Variants in AGBL4 observed in about 807,000 individuals in gnomAD.
AGBL4 encodes AGBL carboxypeptidase 4, also known as cytosolic carboxypeptidase 6.
In AGBL4, 58 loss-of-function variants were observed where a neutral mutation model predicts 66.4. The ratio of observed to expected loss-of-function variants is 0.87; its 90% CI spans 0.71 to 1.09. The LOEUF (loss-of-function observed/expected upper bound fraction) is 1.09. Ranked by LOEUF, AGBL4 falls within the 50% of genes least tolerant of loss-of-function variation. The pLI, the probability that AGBL4 is intolerant of heterozygous loss-of-function variation, is 0.00. For synonymous variants in AGBL4, 234 were observed against 222.9 expected, an observed-to-expected ratio of 1.05 and a Z score of -0.44; for missense variants, 579 against 631.0, an observed-to-expected ratio of 0.92 and a Z score of 0.88.
chr1:49,703,445 C>A (rs1472255628), intron 2 of AGBL4, among the ~76,000 whole-genome samples: 1 of 149,198 alleles, frequency 6.7e-6, no homozygotes, highest in East Asian at 2.0e-4. Flanking sequence ...ACCATATGGA[C>A]AAAATAAAGG....
intron 6 of AGBL4, among the ~76,000 whole-genome samples, chr1:48,863,038 G>T (rs1180951866): frequency 1.3e-5 from 2 of 152,136 alleles, no homozygotes; most frequent in Admixed American, 6.6e-5. Context: ...CATAAACTAT[G>T]TAGGAAAAGT....
intron 6 of AGBL4, chr1:48,727,386 C>T (rs1020104584): frequency 6.6e-6 from 1 of 152,172 alleles, no homozygotes; most frequent in African/African-American, 2.4e-5. Context: ...AAAGCAACCA[C>T]ATCTCTTAGG....
At chr1:49,643,729 A>G (rs894446297) in intron 3 of AGBL4, among the ~76,000 whole-genome samples, 1 of 151,716 alleles carries the variant, frequency 6.6e-6, no homozygotes, top group African/African-American at 2.4e-5. Flanking sequence ...TATATCCAGT[A>G]AAAATATGTT....
chr1:48,999,469 C>G (rs945454884), intron 5 of AGBL4, among the ~76,000 whole-genome samples: 3 of 152,150 alleles, frequency 2.0e-5, no homozygotes, highest in Non-Finnish European at 4.4e-5. Flanking sequence ...GTCAAGAGAA[C>G]AGGACATTCA....
At chr1:49,414,615 A>G (rs1570660128) in intron 3 of AGBL4, among the ~76,000 whole-genome samples, 1 of 152,340 alleles carries the variant, frequency 6.6e-6, no homozygotes, top group East Asian at 1.9e-4. Context: ...TCTAGTCTCC[A>G]TGGAGCTACA....
At chr1:49,022,821 T>A (rs1442391153) in intron 5 of AGBL4, among the ~76,000 whole-genome samples, 1 of 152,210 alleles carries the variant, frequency 6.6e-6, no homozygotes, top group Non-Finnish European at 1.5e-5. Context: ...GAATACCTAC[T>A]GTGTACCAGC....
intron 5 of AGBL4, among the ~76,000 whole-genome samples, chr1:48,907,538 C>T (rs1352213376): frequency 6.6e-6 from 1 of 151,908 alleles, no homozygotes; most frequent in East Asian, 1.9e-4. Flanking sequence ...GGTAAGACAC[C>T]CTGAAGCCTT....
At chr1:49,718,545 GA>G (rs1337714585) in intron 2 of AGBL4, among the ~76,000 whole-genome samples, 1 of 152,002 alleles carries the variant, frequency 6.6e-6, no homozygotes, top group African/African-American at 2.4e-5. Flanking sequence ...GGGTCAAAAT[GA>G]AAAGCCATAA....
At chr1:48,621,271 A>G (rs1426048256) in intron 9 of AGBL4, among the ~76,000 whole-genome samples, 1 of 152,230 alleles carries the variant, frequency 6.6e-6, no homozygotes, top group East Asian at 1.9e-4. Context: ...ATGGCTGGTT[A>G]GACAGACGAG....
chr1:49,983,215 G>A (rs921118270), intron 1 of AGBL4, among the ~76,000 whole-genome samples: 7 of 152,194 alleles, frequency 4.6e-5, no homozygotes, highest in African/African-American at 7.2e-5. Flanking sequence ...GCACTTTGAG[G>A]AGCCCAGACT....
intron 1 of AGBL4, among the ~76,000 whole-genome samples, chr1:49,914,529 T>G (rs987773819): frequency 6.6e-6 from 1 of 152,232 alleles, no homozygotes; most frequent in Non-Finnish European, 1.5e-5. Flanking sequence ...AGAATTTCCA[T>G]ATAGATCTCT....
chr1:48,776,725 T>A, intron 6 of AGBL4: 3 of 1,528,942 alleles, frequency 2.0e-6, no homozygotes, highest in East Asian at 2.6e-5. Context: ...GGCGTACACC[T>A]TCTGGTTGTC....
intron 2 of AGBL4, among the ~76,000 whole-genome samples, chr1:49,745,788 T>C (rs1650937838): frequency 6.6e-6 from 1 of 151,758 alleles, no homozygotes; most frequent in Non-Finnish European, 1.5e-5. Flanking sequence ...TTAACAATAA[T>C]TGAGACTTCA....
At chr1:49,635,352 C>T (rs1474750338) in intron 3 of AGBL4, among the ~76,000 whole-genome samples, 3 of 151,836 alleles carry the variant, frequency 2.0e-5, no homozygotes, top group East Asian at 1.9e-4. Context: ...TCTTTTAAAC[C>T]GGACCTAAAA....
chr1:48,684,262 G>A (rs1431999571), intron 6 of AGBL4, among the ~76,000 whole-genome samples: 1 of 152,250 alleles, frequency 6.6e-6, no homozygotes, highest in Non-Finnish European at 1.5e-5. Context: ...AGTCTGTGAA[G>A]CCCTGGACAG....
In AGBL4 at chr1:49,006,269, G is replaced by A. The variant is rs969005353; in HGVS notation, c.594+39315C>T. On this transcript the variant is annotated intron_variant, in intron 5 of 13. Transcript: ENST00000371839. ...CTAGTCAAAGAAAGGGGTGATGAAG[G>A]GCACCTGGAAAATCGGGTCACTCCC... Among the ~76,000 whole-genome samples, 3 of 151,752 alleles carry A rather than the reference G, an allele frequency of 2.0e-5. No homozygotes were observed. In the South Asian group the frequency reaches 6.2e-4, roughly 31 times the overall value.
At chr1:49,313,902 T>G (rs1326597400) in intron 3 of AGBL4, among the ~76,000 whole-genome samples, 1 of 152,200 alleles carries the variant, frequency 6.6e-6, no homozygotes, top group Non-Finnish European at 1.5e-5. Context: ...TTGGCTTCTG[T>G]TGCCATTGCT....
At chr1:49,439,140 T>C (rs1645968694) in intron 3 of AGBL4, among the ~76,000 whole-genome samples, 1 of 152,192 alleles carries the variant, frequency 6.6e-6, no homozygotes, top group Non-Finnish European at 1.5e-5. Context: ...TTGGAGGAGC[T>C]GATATACAAG....
chr1:48,610,861 T>G (rs980678850), intron 9 of AGBL4, among the ~76,000 whole-genome samples: 2 of 152,116 alleles, frequency 1.3e-5, no homozygotes, highest in African/African-American at 4.8e-5. Context: ...CCCTCCTCCT[T>G]CCACACACAC....
Sources: allele counts gnomAD v4.1 joint callset (sites outside exome capture counted in the v4.1 genomes callset), GRCh38; gene constraint gnomAD v4.1.1; transcripts MANE v1.5; gene names NCBI Gene and HGNC (gene_info 2026-07-23, HGNC 2026-07-21).